Variants in EIF4G3 observed in about 807,000 individuals in gnomAD.
EIF4G3 encodes the protein eukaryotic translation initiation factor 4 gamma 3, also known as eIF-4-gamma 3.
A neutral mutation model predicts 186.4 loss-of-function variants in EIF4G3; 34 were observed. The ratio of observed to expected loss-of-function variants is 0.18; its 90% CI spans 0.14 to 0.24. EIF4G3 has a LOEUF of 0.24. Among genes scored for constraint, EIF4G3 ranks in the 10% least tolerant of loss-of-function variants. The probability of loss-of-function intolerance (pLI) is 1.00; values close to 1 mark genes in which losing one functional copy is unlikely to be tolerated. For synonymous variants in EIF4G3, 673 were observed against 679.5 expected (o/e 0.99, Z 0.15); for missense variants, 1,536 against 1,948.5 (o/e 0.79, Z 3.99).
At chr1:20,913,247 G>C (rs749247641) in intron 14 of EIF4G3, among the ~76,000 whole-genome samples, 1 of 152,206 alleles carries the variant, frequency 6.6e-6, no homozygotes, top group Non-Finnish European at 1.5e-5. Context: ...ATAATAAAAT[G>C]AGGAAACTAG....
At chr1:21,059,744 A>G (rs538885103) in intron 3 of EIF4G3, among the ~76,000 whole-genome samples, 8 of 152,358 alleles carry the variant, frequency 5.3e-5, no homozygotes, top group African/African-American at 7.2e-5. Context: ...TCTACTATGG[A>G]CTTTGTCAGC....
intron 14 of EIF4G3, among the ~76,000 whole-genome samples, chr1:20,917,552 G>A (rs2094017121): frequency 6.6e-6 from 1 of 152,150 alleles, no homozygotes; most frequent in Non-Finnish European, 1.5e-5. Context: ...ATTTACGTAA[G>A]ATTTCTAAAA....
chr1:21,142,753 T>C (rs149240541), intron 2 of EIF4G3, among the ~76,000 whole-genome samples: 1 of 152,300 alleles, frequency 6.6e-6, no homozygotes, highest in East Asian at 1.9e-4. Context: ...AAAATATCCA[T>C]TCAAGTAAAA....
intron 4 of EIF4G3, among the ~76,000 whole-genome samples, chr1:21,017,100 G>A (rs1339087668): frequency 6.6e-6 from 1 of 152,106 alleles, no homozygotes; most frequent in African/African-American, 2.4e-5. Context: ...AGCAAAATGT[G>A]GCACATACAT....
intron 29 of EIF4G3, among the ~76,000 whole-genome samples, chr1:20,848,799 G>A (rs202164847): frequency 6.6e-6 from 1 of 152,030 alleles, no homozygotes; most frequent in African/African-American, 2.4e-5. Context: ...TGTAATCTCA[G>A]CACTTTGGGA....
Position 21,168,180 on chromosome 1 carries a change from G to GC in EIF4G3, c.-272+7994_-272+7995insG. On this transcript the variant is annotated intron_variant, in intron 2 of 36. Coordinates refer to ENST00000602326, the MANE Select transcript of EIF4G3 (RefSeq NM_001391906.1). ...ACACTTTGGGAGGCTGAGGTGGGCAGATCACTTGAGGTCAGGAGTTTGAGA... is the reference window on the plus strand; with the variant it reads ...ACACTTTGGGAGGCTGAGGTGGGCAGCATCACTTGAGGTCAGGAGTTTGAGA... 3 of 361,380 alleles carry GC rather than the reference G, an allele frequency of 8.3e-6. 1 individual carries two copies. The highest frequency in any genetic ancestry group is 6.5e-5 in the South Asian group (3 of 45,928). 22.4% of individuals were successfully genotyped at this position (361,380 alleles called of 1,614,324 possible).
intron 2 of EIF4G3, among the ~76,000 whole-genome samples, chr1:21,134,597 A>G (rs1228164900): frequency 6.6e-6 from 1 of 152,188 alleles, no homozygotes; most frequent in Non-Finnish European, 1.5e-5. Flanking sequence ...TGAGCCCGGG[A>G]GGCGGAGGTT....
At chr1:20,995,720 A>G (rs529770824) in intron 7 of EIF4G3, among the ~76,000 whole-genome samples, 1 of 152,252 alleles carries the variant, frequency 6.6e-6, no homozygotes, top group African/African-American at 2.4e-5. Context: ...CATTCCATCA[A>G]TCTACAGTGT....
chr1:20,940,345 T>A (rs2095669026), intron 14 of EIF4G3, among the ~76,000 whole-genome samples: 1 of 152,206 alleles, frequency 6.6e-6, no homozygotes, highest in Middle Eastern at 3.2e-3. Flanking sequence ...CCTTGCATTG[T>A]TTTCTTTCCT....
intron 35 of EIF4G3, among the ~76,000 whole-genome samples, chr1:20,812,814 GA>G (rs1319477308): frequency 1.3e-5 from 2 of 152,112 alleles, no homozygotes; most frequent in Non-Finnish European, 2.9e-5. Flanking sequence ...ATTAGATTAA[GA>G]ATATTCAACC....
In EIF4G3 at chr1:20,950,117, ATTTG is replaced by A; in HGVS notation, c.715-10_715-7del. 1.3e-6 allele frequency: 2 copies of A among 1,574,164 alleles called. No homozygotes were observed. The highest frequency in any genetic ancestry group is 8.6e-7 in the Non-Finnish European group (1 of 1,165,974). On this transcript the variant is annotated splice_region_variant and splice_polypyrimidine_tract_variant and intron_variant, in intron 12 of 36. Coordinates refer to ENST00000602326, the MANE Select transcript of EIF4G3 (RefSeq NM_001391906.1). ...GGGACCTGGCTGGGCAGCTGCTGGG[ATTTG>A]AAGTACAAAAAAGGGTGATAATGAG...
chr1:21,103,052 A>G (rs1417175000), intron 2 of EIF4G3, among the ~76,000 whole-genome samples: 3 of 152,196 alleles, frequency 2.0e-5, no homozygotes, highest in Non-Finnish European at 4.4e-5. Flanking sequence ...TTTTAAATTG[A>G]TAATATTTGT....
chr1:21,133,288 G>A (rs113845362), intron 2 of EIF4G3, among the ~76,000 whole-genome samples: 165 of 151,848 alleles, frequency 1.1e-3, no homozygotes, highest in African/African-American at 3.8e-3. Flanking sequence ...GCAATGACAC[G>A]ATCTCAGCTC....
chr1:21,056,767 G>C (rs927039864), intron 3 of EIF4G3, among the ~76,000 whole-genome samples: 3 of 152,098 alleles, frequency 2.0e-5, no homozygotes, highest in African/African-American at 4.8e-5. Flanking sequence ...CCCATTATTT[G>C]AAAGATATTG....
At chr1:21,163,692 A>G (rs1239010246) in intron 2 of EIF4G3, among the ~76,000 whole-genome samples, 1 of 152,202 alleles carries the variant, frequency 6.6e-6, no homozygotes, top group Non-Finnish European at 1.5e-5. Context: ...CTCTTCTTTA[A>G]TGTGGTCTTT....
At chr1:21,024,766 G>A (rs890827196) in intron 4 of EIF4G3, among the ~76,000 whole-genome samples, 2 of 148,822 alleles carry the variant, frequency 1.3e-5, no homozygotes, top group Non-Finnish European at 3.0e-5. Context: ...AAGGCCGCAG[G>A]GTCCTCTGCC....
intron 14 of EIF4G3, among the ~76,000 whole-genome samples, chr1:20,906,700 CT>C (rs2092196496): frequency 6.6e-6 from 1 of 152,112 alleles, no homozygotes; most frequent in African/African-American, 2.4e-5. Context: ...TGTTACTCAT[CT>C]TGTTTAAGTG....
chr1:21,105,411 C>T (rs189181370), intron 2 of EIF4G3, among the ~76,000 whole-genome samples: 19 of 149,528 alleles, frequency 1.3e-4, no homozygotes, highest in South Asian at 1.3e-3. Context: ...GCCTATGCAA[C>T]GAGTGAAACT....
intron 4 of EIF4G3, among the ~76,000 whole-genome samples, chr1:21,029,465 C>CGG (rs112330550): frequency 2.8e-5 from 4 of 143,228 alleles, no homozygotes; most frequent in African/African-American, 1.0e-4. Context: ...GAAATTGAGT[C>CGG]GGGGGGGGGA....
Sources: gnomAD v4.1 joint callset for allele counts (sites outside exome capture counted in the v4.1 genomes callset) on GRCh38, gnomAD v4.1.1 for gene constraint, MANE v1.5 for transcripts, NCBI Gene and HGNC (gene_info 2026-07-23, HGNC 2026-07-21) for gene names.